Variants in FKBP8 observed in about 807,000 individuals in gnomAD.
FKBP8 encodes FKBP prolyl isomerase 8, also known as peptidyl-prolyl cis-trans isomerase FKBP8.
In FKBP8, 5 loss-of-function variants were observed where a neutral mutation model predicts 41.7. That is an observed-to-expected ratio of 0.12 (90% CI 0.06 to 0.25). The LOEUF is 0.25. Among genes scored for constraint, FKBP8 ranks in the 10% least tolerant of loss-of-function variants. FKBP8 has a pLI of 1.00. For synonymous variants in FKBP8, 279 were observed against 254.5 expected (o/e 1.10, Z -0.92); for missense variants, 397 against 563.0 (o/e 0.71, Z 2.98).
chr19:18,537,885 C>A lies in FKBP8; in HGVS notation c.773-112G>T. 1.6e-6 allele frequency: 2 copies of A among 1,218,604 alleles called. No individual in the cohort carries two copies. The highest frequency in any genetic ancestry group is 2.5e-5 in the East Asian group (1 of 40,806). 75.5% of individuals were successfully genotyped at this position (1,218,604 alleles called of 1,614,324 possible). A position where few individuals can be genotyped will look rare whatever the true frequency, so the allele number is the denominator to read the frequency against. ...GGCCTCAGTTTCCCCAATTTTAACC[C>A]CGGACCAAGGGCCACGCTTTCCTGG... On this transcript the variant is annotated intron_variant, in intron 5 of 8. Transcript: ENST00000608443. This position sits in a 1 kb window ranked among gnomAD's most constrained non-coding sequence, Gnocchi z 4.4.
intron 2 of FKBP8, among the ~76,000 whole-genome samples, chr19:18,540,770 G>T (rs1473644011): frequency 6.6e-6 from 1 of 152,048 alleles, no homozygotes; most frequent in East Asian, 1.9e-4. Context: ...TACTCAGGAG[G>T]CTGAGGCAGA....
intron 6 of FKBP8, among the ~76,000 whole-genome samples, chr19:18,534,324 C>CA (rs1376818710): frequency 1.3e-5 from 2 of 151,734 alleles, no homozygotes; most frequent in African/African-American, 2.4e-5. Flanking sequence ...AACAAACAAA[C>CA]AAAAAAAACA....
rs202202469 is a variant in FKBP8 at position 18,532,746 on chromosome 19, C to T, written c.1073G>A (p.Arg358Gln). The part of the protein sequence containing the change: ...SKLVKKHAAQ[R>Q]STETALYRKM... ...CCGGTACAAGGCGGTCTCCGTGCTC[C>T]GCTGCGCCGCATGCTTCTTCACCAG... The change falls in exon 8 of 9, where the codon CGG becomes CAG. Residue 358 changes from arginine (R) to glutamine (Q), a missense_variant. By Grantham distance (43) the Arg-to-Gln change is conservative. This residue lies in a region of FKBP8 where 225 missense variants were observed against 366.8 expected (regional missense o/e 0.61). Coordinates refer to ENST00000608443, the MANE Select transcript of FKBP8 (RefSeq NM_012181.5). 1.3e-5 allele frequency: 21 copies of T among 1,614,024 alleles called. No individual in the cohort carries two copies. Among genetic ancestry groups the T allele is most frequent in the Admixed American group, 1.2e-4 (7 of 60,008 alleles).
chr19:18,537,516 C>G lies in FKBP8; in HGVS notation c.945+85G>C. Reference sequence around the variant, plus strand: ...CACAGAGCTCAGCTGGCTTATATACCTATGCCTTTCTCAAATGCAGGGTTG... The same window carrying G: ...CACAGAGCTCAGCTGGCTTATATACGTATGCCTTTCTCAAATGCAGGGTTG... On this transcript the variant is annotated intron_variant, in intron 6 of 8. Coordinates refer to ENST00000608443, the MANE Select transcript of FKBP8 (RefSeq NM_012181.5). This position sits in a 1 kb window ranked among gnomAD's most constrained non-coding sequence, Gnocchi z 4.4. 7.5e-7 allele frequency: 1 copy of G among 1,326,838 alleles called. No individual in the cohort carries two copies. Among genetic ancestry groups the G allele is most frequent in the South Asian group, 1.5e-5 (1 of 66,594 alleles). The allele number at this position is 1,326,838 out of a possible 1,614,324, so 82.2% of individuals were successfully genotyped here.
chr19:18,532,385 G>A lies in FKBP8; in HGVS notation c.1156-130C>T, dbSNP rs1976468283. ...CCTGACTATGTATTTCCCACTTCCT[G>A]GCAAACTCCTACTCATGCAGCAAAA... On this transcript the variant is annotated intron_variant, in intron 8 of 8. Transcript: ENST00000608443. The A allele has an allele frequency of 2.9e-6, 3 of 1,024,520 alleles. No homozygotes were observed. The East Asian group carries it at 7.8e-5, about 27-fold the overall frequency. 63.5% of individuals were successfully genotyped at this position (1,024,520 alleles called of 1,614,324 possible). A position where few individuals can be genotyped will look rare whatever the true frequency, so the allele number is the denominator to read the frequency against.
chr19:18,538,012 C>T lies in FKBP8; in HGVS notation c.772+204G>A. The T allele has an allele frequency of 1.5e-6, 1 of 678,946 alleles. No individual in the cohort carries two copies. The highest frequency in any genetic ancestry group is 2.5e-6 in the Non-Finnish European group (1 of 405,900). 42.1% of individuals were successfully genotyped at this position (678,946 alleles called of 1,614,324 possible). A position where few individuals can be genotyped will look rare whatever the true frequency, so the allele number is the denominator to read the frequency against. On this transcript the variant is annotated intron_variant, in intron 5 of 8. Transcript: ENST00000608443. This position sits in a 1 kb window ranked among gnomAD's most constrained non-coding sequence, Gnocchi z 4.0. ...GTCTATGGTCACCCCATCCCCATAT[C>T]CACTTGCATTCTACAACACTCCACT...
intron 6 of FKBP8, among the ~76,000 whole-genome samples, chr19:18,536,940 G>A (rs1188265899): frequency 6.6e-6 from 1 of 152,236 alleles, no homozygotes; most frequent in African/African-American, 2.4e-5. Context: ...AGTGATAGCA[G>A]GAGGGGGAAG....
chr19:18,532,425 C>T, intron 8 of FKBP8, 170 bp from the exon 9 acceptor site: 4 of 887,524 alleles, frequency 4.5e-6, no homozygotes, highest in Non-Finnish European at 7.1e-6. Flanking sequence ...AATCAAATGG[C>T]CCCTCCTCCA....
intron 2 of FKBP8, among the ~76,000 whole-genome samples, chr19:18,540,803 C>G (rs138532549): frequency 6.6e-6 from 1 of 150,568 alleles, no homozygotes; most frequent in African/African-American, 2.5e-5. Flanking sequence ...ACCTGGGAGG[C>G]GGAGGTTGCA....
At position 18,538,675 on chromosome 19, in the gene FKBP8, TCTCA is replaced by T. The variant is rs1182738088; in HGVS notation, c.552-243_552-240del. Among the ~76,000 whole-genome samples, 1 of 152,100 alleles carries T rather than the reference TCTCA, an allele frequency of 6.6e-6. No individual in the cohort carries two copies. The highest frequency in any genetic ancestry group is 1.5e-5 in the Non-Finnish European group (1 of 68,020). ...TCCTCCTTTTTATTAAGAGACAGGTTCTCACTCTGTTGCCCGGGCTGGAGTGCAG... is the reference window on the plus strand; with the variant it reads ...TCCTCCTTTTTATTAAGAGACAGGTTCTCTGTTGCCCGGGCTGGAGTGCAG... On this transcript the variant is annotated intron_variant, in intron 4 of 8. Transcript: ENST00000608443. This position sits in a 1 kb window ranked among gnomAD's most constrained non-coding sequence, Gnocchi z 4.0.
Position 18,532,804 on chromosome 19 carries a change from G to C in FKBP8, c.1024-9C>G, listed in dbSNP as rs754789340. Reference sequence around the variant, plus strand: ...AGCTCTGCGTGGATCGTCTGCAGAAGGCAGGGGAAGCTGAGAACACGCAGC... The same window carrying C: ...AGCTCTGCGTGGATCGTCTGCAGAACGCAGGGGAAGCTGAGAACACGCAGC... On this transcript the variant is annotated splice_polypyrimidine_tract_variant and intron_variant, in intron 7 of 8. Transcript: ENST00000608443. 6.2e-7 allele frequency: 1 copy of C among 1,613,338 alleles called. No homozygotes were observed. The highest frequency in any genetic ancestry group is 2.2e-5 in the East Asian group (1 of 44,882).
chr19:18,534,866 C>G (rs1279707890), intron 6 of FKBP8, among the ~76,000 whole-genome samples: 1 of 152,184 alleles, frequency 6.6e-6, no homozygotes, highest in South Asian at 2.1e-4. Context: ...TGGCTCAATG[C>G]AAGCTCTGCC....
chr19:18,543,309 C>T (rs1976752425), intron 1 of FKBP8, 177 bp downstream of exon 1: 1 of 123,284 alleles, frequency 8.1e-6, no homozygotes, highest in African/African-American at 3.1e-5. Flanking sequence ...CCTGGCCACC[C>T]CCGCCCGGCC....
chr19:18,535,003 T>C (rs1029019436), intron 6 of FKBP8, among the ~76,000 whole-genome samples: 1 of 152,106 alleles, frequency 6.6e-6, no homozygotes, highest in Non-Finnish European at 1.5e-5. Context: ...CAGGCTGGTC[T>C]CAAACTCCTG....
At chr19:18,536,724 C>G (rs181713517) in intron 6 of FKBP8, among the ~76,000 whole-genome samples, 1 of 152,124 alleles carries the variant, frequency 6.6e-6, no homozygotes. Flanking sequence ...GCTGGAGATC[C>G]GGCAGTGAGC....
chr19:18,539,368 C>T lies in FKBP8; in HGVS notation c.551+3G>A. On this transcript the variant is annotated splice_donor_region_variant and intron_variant, in intron 4 of 8. Transcript: ENST00000608443. Reference sequence around the variant, plus strand: ...CAGAGACCTAAGGGTGGCTGACTCTCACCTGCCTTGGGGGCCGTAGCAGTA... The same window carrying T: ...CAGAGACCTAAGGGTGGCTGACTCTTACCTGCCTTGGGGGCCGTAGCAGTA... The T allele has an allele frequency of 8.1e-6, 13 of 1,611,414 alleles. No homozygotes were observed. The highest frequency in any genetic ancestry group is 1.1e-5 in the Non-Finnish European group (13 of 1,179,072).
chr19:18,532,610 C>G (rs1179507396), intron 8 of FKBP8, 54 bp downstream of exon 8: 1 of 1,592,722 alleles, frequency 6.3e-7, no homozygotes, highest in African/African-American at 1.3e-5. Flanking sequence ...AATAAAATCC[C>G]TCTGCTAGGC....
chr19:18,541,942 G>T lies in FKBP8; in HGVS notation c.29C>A (p.Pro10His). Residue 10 changes from proline to histidine, a missense_variant, in exon 2 of 9, where the codon CCC (proline) becomes CAC (histidine). This residue lies in a region of FKBP8 where 172 missense variants were observed against 196.2 expected (regional missense o/e 0.88). Coordinates refer to ENST00000608443, the MANE Select transcript of FKBP8 (RefSeq NM_012181.5). MASCAEPSE[P>H]SAPLPAGVPP... ...GACCCCGGCGGGCAGTGGGGCAGAG[G>T]GCTCAGAGGGTTCAGCACACGATGC... 1 of 1,614,040 alleles carries T rather than the reference G, an allele frequency of 6.2e-7. No homozygotes were observed. Among genetic ancestry groups the T allele is most frequent in the Non-Finnish European group, 8.5e-7 (1 of 1,179,990 alleles).
chr19:18,542,155 T>C (rs971781383), intron 1 of FKBP8, 160 bp from the exon 2 acceptor site: 6 of 1,095,128 alleles, frequency 5.5e-6, no homozygotes, highest in African/African-American at 4.7e-5. Flanking sequence ...AACCCCAGCT[T>C]GTTGGGAGAA....
Sources: allele counts gnomAD v4.1 joint callset (sites outside exome capture counted in the v4.1 genomes callset), GRCh38; gene constraint gnomAD v4.1.1; regional missense constraint gnomAD v4.1.1; non-coding constraint Gnocchi (gnomAD v3.1); transcripts MANE v1.5; gene names NCBI Gene and HGNC (gene_info 2026-07-23, HGNC 2026-07-21).